ADK: variants seen among roughly 807,000 people sequenced by gnomAD.
ADK encodes the protein N6,N6-dimethyladenosine kinase.
A neutral mutation model predicts 44.7 loss-of-function variants in ADK; 24 were observed. That is an observed-to-expected ratio of 0.54 (90% CI 0.39 to 0.76). The LOEUF is 0.76. ADK is among the 30% of genes least tolerant of loss of function. The pLI is 0.00. For missense variants in ADK, 321 were observed against 425.1 expected (o/e 0.76, Z 2.15); for synonymous variants, 128 against 142.6 (o/e 0.90, Z 0.73).
intron 6 of ADK, among the ~76,000 whole-genome samples, chr10:74,418,600 C>T (rs1396405920): frequency 1.3e-5 from 2 of 152,062 alleles, no homozygotes; most frequent in African/African-American, 2.4e-5. Context: ...TTATAATTAC[C>T]CAAAGAAATC....
chr10:74,312,210 T>C (rs1035841447), intron 3 of ADK, among the ~76,000 whole-genome samples: 2 of 152,052 alleles, frequency 1.3e-5, no homozygotes, highest in African/African-American at 2.4e-5. Flanking sequence ...TGACAACTAG[T>C]TGTAAATTTA....
intron 9 of ADK, among the ~76,000 whole-genome samples, chr10:74,617,579 G>A (rs1034560612): frequency 2.6e-5 from 4 of 151,888 alleles, no homozygotes; most frequent in Admixed American, 6.6e-5. Flanking sequence ...TATTGGATTT[G>A]ATGTGATGTT....
chr10:74,229,779 A>G (rs1269294310), intron 3 of ADK, among the ~76,000 whole-genome samples: 1 of 152,100 alleles, frequency 6.6e-6, no homozygotes, highest in Non-Finnish European at 1.5e-5. Flanking sequence ...GCTTGTGCCT[A>G]TAATCCCAGC....
chr10:74,336,305 A>G (rs954184823), intron 4 of ADK, among the ~76,000 whole-genome samples: 11 of 152,128 alleles, frequency 7.2e-5, no homozygotes, highest in Non-Finnish European at 1.2e-4. Flanking sequence ...AATCTCTTTA[A>G]TTGCCATTGT....
chr10:74,513,505 T>G (rs1316966131), intron 6 of ADK, among the ~76,000 whole-genome samples: 2 of 152,202 alleles, frequency 1.3e-5, no homozygotes, highest in Non-Finnish European at 2.9e-5. Flanking sequence ...TGTCTTCTTT[T>G]ACAGCTTTTG....
At chr10:74,459,406 G>A (rs1473407373) in intron 6 of ADK, among the ~76,000 whole-genome samples, 1 of 151,966 alleles carries the variant, frequency 6.6e-6, no homozygotes. Flanking sequence ...TTAGAGTTCA[G>A]CAGGACACAG....
At chr10:74,460,347 G>T (rs1011155749) in intron 6 of ADK, among the ~76,000 whole-genome samples, 1 of 152,034 alleles carries the variant, frequency 6.6e-6, no homozygotes, top group Non-Finnish European at 1.5e-5. Context: ...CAGAGTTGGG[G>T]GTCATTTCTT....
At chr10:74,682,473 A>T (rs1855640605) in intron 10 of ADK, among the ~76,000 whole-genome samples, 2 of 152,264 alleles carry the variant, frequency 1.3e-5, no homozygotes, top group South Asian at 2.1e-4. Flanking sequence ...GTTGTGCTGA[A>T]CTATCTTAAA....
At chr10:74,269,931 G>C (rs950946221) in intron 3 of ADK, among the ~76,000 whole-genome samples, 3 of 152,124 alleles carry the variant, frequency 2.0e-5, no homozygotes, top group Non-Finnish European at 4.4e-5. Flanking sequence ...CCAGGAGGTG[G>C]AAATTGCAGT....
At chr10:74,231,422 G>A (rs932716713) in intron 3 of ADK, among the ~76,000 whole-genome samples, 2 of 151,812 alleles carry the variant, frequency 1.3e-5, no homozygotes, top group African/African-American at 4.8e-5. Flanking sequence ...ATTTTCGCTG[G>A]AAATTTTATC....
intron 4 of ADK, among the ~76,000 whole-genome samples, chr10:74,345,156 A>AT (rs768181067): frequency 2.4e-4 from 37 of 152,202 alleles, no homozygotes; most frequent in Middle Eastern, 3.4e-3. Flanking sequence ...CAAGTTACCT[A>AT]TTTTTTCTTG....
chr10:74,382,806 G>T (rs1843016172), intron 4 of ADK, among the ~76,000 whole-genome samples: 1 of 151,666 alleles, frequency 6.6e-6, no homozygotes, highest in Admixed American at 6.6e-5. Context: ...TTCCTCACTG[G>T]CTATATCTGG....
chr10:74,625,124 A>G (rs547365742), intron 9 of ADK, among the ~76,000 whole-genome samples: 6 of 152,290 alleles, frequency 3.9e-5, no homozygotes, highest in Middle Eastern at 6.8e-3. Context: ...CTTGAAATCT[A>G]GAAGAGACAT....
intron 9 of ADK, among the ~76,000 whole-genome samples, chr10:74,610,352 A>T (rs1852493832): frequency 6.6e-6 from 1 of 152,148 alleles, no homozygotes; most frequent in Non-Finnish European, 1.5e-5. Context: ...CATTTATGTG[A>T]CATACCTAGA....
At chr10:74,693,274 C>G (rs1856056726) in intron 10 of ADK, among the ~76,000 whole-genome samples, 1 of 152,122 alleles carries the variant, frequency 6.6e-6, no homozygotes, top group Non-Finnish European at 1.5e-5. Flanking sequence ...TTTGGGAACT[C>G]TCTGTATTTT....
intron 3 of ADK, among the ~76,000 whole-genome samples, chr10:74,265,319 G>A (rs1418844035): frequency 4.6e-5 from 7 of 151,780 alleles, no homozygotes; most frequent in African/African-American, 1.7e-4. Flanking sequence ...GGGTTCAAGC[G>A]ATTCCCCTGC....
intron 10 of ADK, among the ~76,000 whole-genome samples, chr10:74,680,598 T>A (rs1855569523): frequency 6.6e-6 from 1 of 152,188 alleles, no homozygotes. Context: ...AAATCACATG[T>A]GTGTAGCACT....
intron 9 of ADK, among the ~76,000 whole-genome samples, chr10:74,601,608 G>A (rs1338370448): frequency 6.6e-6 from 1 of 151,878 alleles, no homozygotes; most frequent in African/African-American, 2.4e-5. Context: ...GCTAGACAGT[G>A]GATATATGGG....
intron 9 of ADK, chr10:74,656,121 C>A: frequency 2.8e-6 from 1 of 359,688 alleles, no homozygotes; most frequent in South Asian, 3.8e-5. Context: ...CCTCTTGGAT[C>A]ACAAACACTG....
Sources: gnomAD v4.1 joint callset for allele counts (sites outside exome capture counted in the v4.1 genomes callset) on GRCh38, gnomAD v4.1.1 for gene constraint, MANE v1.5 for transcripts, NCBI Gene and HGNC (gene_info 2026-07-23, HGNC 2026-07-21) for gene names.